TTYH2: variants seen among roughly 807,000 people sequenced by gnomAD.
TTYH2 encodes the protein tweety family member 2.
In TTYH2, 49 loss-of-function variants were observed where a neutral mutation model predicts 68.3. The ratio of observed to expected loss-of-function variants is 0.72; its 90% CI spans 0.57 to 0.91. The LOEUF (loss-of-function observed/expected upper bound fraction) is 0.91, where lower values mean the gene tolerates loss of function less well. TTYH2 is among the 40% of genes least tolerant of loss of function. The pLI is 0.00. For synonymous variants in TTYH2, 272 were observed against 300.8 expected (o/e 0.90, Z 0.99); for missense variants, 631 against 700.4 (o/e 0.90, Z 1.12).
At chr17:74,221,596 C>T (rs931450531) in intron 1 of TTYH2, among the ~76,000 whole-genome samples, 2 of 152,212 alleles carry the variant, frequency 1.3e-5, no homozygotes, top group African/African-American at 4.8e-5. Flanking sequence ...CCCTGGCTGG[C>T]GGCCGCCAAT....
intron 6 of TTYH2, chr17:74,248,659 T>C: frequency 8.7e-7 from 1 of 1,151,210 alleles, no homozygotes; most frequent in East Asian, 4.7e-5. Context: ...GGGCCCAGGA[T>C]GCTGGCCCCC....
rs572307412 is a variant in TTYH2, at chr17:74,237,412, C to A, written c.533C>A (p.Ala178Glu). ...LQTLKFIQQM[A>E]GSVVVQLSGL... ...ACCCTGAAGTTCATACAGCAGATGG[C>A]GGGCAGCGTTGTTGTTCAGCTCTCA... The change falls in exon 4 of 14, where the codon GCG (alanine) becomes GAG (glutamate). Residue 178 changes from alanine to glutamate, a missense_variant. Physicochemically the swap from Ala to Glu is moderately radical, Grantham distance 107. Transcript: ENST00000269346. 2 of 1,614,100 alleles carry A rather than the reference C, an allele frequency of 1.2e-6. No homozygotes were observed. Among genetic ancestry groups the A allele is most frequent in the South Asian group, 2.2e-5 (2 of 91,084 alleles).
chr17:74,257,272 C>T (rs1210171642), intron 13 of TTYH2, among the ~76,000 whole-genome samples: 1 of 152,190 alleles, frequency 6.6e-6, no homozygotes, highest in Non-Finnish European at 1.5e-5. Flanking sequence ...GATTTAAGAC[C>T]TGCCCAGAAA....
intron 2 of TTYH2, among the ~76,000 whole-genome samples, chr17:74,225,838 G>A (rs1235452892): frequency 6.6e-6 from 1 of 150,666 alleles, no homozygotes; most frequent in African/African-American, 2.5e-5. Flanking sequence ...ATGGAGAACA[G>A]GGCAGGGGAC....
intron 3 of TTYH2, among the ~76,000 whole-genome samples, chr17:74,233,937 G>A (rs752000772): frequency 6.6e-6 from 1 of 152,142 alleles, no homozygotes; most frequent in Non-Finnish European, 1.5e-5. Context: ...TTGCTGACCC[G>A]AGGTTGAAAA....
At chr17:74,248,146 C>A in intron 6 of TTYH2, 1 of 517,996 alleles carries the variant, frequency 1.9e-6, no homozygotes, top group Non-Finnish European at 2.5e-6. Context: ...GTCCCCTGCC[C>A]GGGGAGCATG....
intron 6 of TTYH2, among the ~76,000 whole-genome samples, chr17:74,246,563 C>T (rs2050559891): frequency 6.6e-6 from 1 of 152,142 alleles, no homozygotes; most frequent in Non-Finnish European, 1.5e-5. Flanking sequence ...CCTGCAGGCT[C>T]AGCCATCACC....
At chr17:74,240,355 C>G (rs1286189999) in intron 4 of TTYH2, among the ~76,000 whole-genome samples, 1 of 152,014 alleles carries the variant, frequency 6.6e-6, no homozygotes, top group Non-Finnish European at 1.5e-5. Context: ...AGGAAAATTG[C>G]TTGAACCCAG....
chr17:74,218,122 C>T (rs942989172), intron 1 of TTYH2, among the ~76,000 whole-genome samples: 2 of 148,708 alleles, frequency 1.3e-5, no homozygotes, highest in African/African-American at 5.0e-5. Context: ...AATAATTGCC[C>T]ATTAGGAGCA....
chr17:74,220,769 G>A (rs1241061237), intron 1 of TTYH2, among the ~76,000 whole-genome samples: 2 of 151,744 alleles, frequency 1.3e-5, no homozygotes, highest in Non-Finnish European at 2.9e-5. Context: ...GATCTACTGG[G>A]CCCTGGCTTC....
chr17:74,256,495 G>C (rs1489678680), intron 13 of TTYH2, among the ~76,000 whole-genome samples: 1 of 152,104 alleles, frequency 6.6e-6, no homozygotes, highest in Non-Finnish European at 1.5e-5. Flanking sequence ...ATTCACTCCT[G>C]TGCCACCACC....
chr17:74,224,351 C>T (rs557873889), intron 2 of TTYH2, among the ~76,000 whole-genome samples: 1 of 152,258 alleles, frequency 6.6e-6, no homozygotes, highest in East Asian at 1.9e-4. Flanking sequence ...CGCTCCATCG[C>T]ACTCTAGCCT....
chr17:74,226,788 G>A (rs1264117022), intron 2 of TTYH2, among the ~76,000 whole-genome samples: 1 of 151,974 alleles, frequency 6.6e-6, no homozygotes, highest in East Asian at 1.9e-4. Flanking sequence ...TTATATTTGG[G>A]AAAGAGTAGT....
At position 74,215,563 on chromosome 17, in the gene TTYH2, C is replaced by T; in HGVS notation, c.129+1847C>T. 2 of 1,464,356 alleles carry T rather than the reference C, an allele frequency of 1.4e-6. No homozygotes were observed. Among genetic ancestry groups the T allele is most frequent in the African/African-American group, 1.4e-5 (1 of 71,588 alleles). 90.7% of individuals were successfully genotyped at this position (1,464,356 alleles called of 1,614,324 possible). On this transcript the variant is annotated intron_variant, in intron 1 of 13. Coordinates refer to ENST00000269346, the MANE Select transcript of TTYH2 (RefSeq NM_032646.6). The surrounding 1 kb of genome is among the most constrained non-coding windows in gnomAD (Gnocchi z 4.3). Reference sequence around the variant, plus strand: ...GGGTGTCCCTTCCCATCGGCCACTGCTCCTGGGCAGCTGACACCAGCCCTG... The same window carrying T: ...GGGTGTCCCTTCCCATCGGCCACTGTTCCTGGGCAGCTGACACCAGCCCTG...
chr17:74,260,011 C>T (rs1567824006), intron 13 of TTYH2, 118 bp from the exon 14 acceptor site: 5 of 842,866 alleles, frequency 5.9e-6, no homozygotes, highest in South Asian at 2.7e-5. Context: ...GGTGGAGGCA[C>T]GGCCGGGTTT....
At chr17:74,259,812 C>T (rs2050729708) in intron 13 of TTYH2, among the ~76,000 whole-genome samples, 1 of 152,158 alleles carries the variant, frequency 6.6e-6, no homozygotes. Context: ...GTCTCTGGGC[C>T]TCTGCCCTCA....
rs939008893 is a variant in TTYH2 at position 74,232,300 on chromosome 17, G to A, written c.414+1301G>A. On this transcript the variant is annotated intron_variant, in intron 3 of 13. Coordinates refer to ENST00000269346, the MANE Select transcript of TTYH2 (RefSeq NM_032646.6). The surrounding 1 kb of genome is among the most constrained non-coding windows in gnomAD (Gnocchi z 5.1). The stretch of plus-strand genomic sequence containing the variant: ...AAAGAGACAGCTGTGCTGCTCCTCC[G>A]TGCCCAAGTCAATTGTGGGAGGAGG... 8.5e-5 allele frequency among the ~76,000 whole-genome samples: 13 copies of A among 152,180 alleles called. No individual in the cohort carries two copies. Among genetic ancestry groups the A allele is most frequent in the African/African-American group, 2.2e-4 (9 of 41,450 alleles).
rs1231237459 is a variant in TTYH2 at position 74,253,254 on chromosome 17, T to A, written c.1433T>A (p.Val478Asp). ...GCCCAGACCATCTCCAACGCCCCTGTCTCCGAGTACATGTACGGCCTGCAC... is the reference window on the plus strand; with the variant it reads ...GCCCAGACCATCTCCAACGCCCCTGACTCCGAGTACATGTACGGCCTGCAC... ...PPAQTISNAP[V>D]SEYMNQAMLF... Residue 478 changes from valine (V) to aspartate (D), a missense_variant, in exon 12 of 14, where the codon GTC (valine) becomes GAC (aspartate). By Grantham distance (152) the Val-to-Asp change is radical. Coordinates refer to ENST00000269346, the MANE Select transcript of TTYH2 (RefSeq NM_032646.6). 3 of 1,601,024 alleles carry A rather than the reference T, an allele frequency of 1.9e-6. No individual in the cohort carries two copies. Among genetic ancestry groups the A allele is most frequent in the Non-Finnish European group, 1.7e-6 (2 of 1,174,858 alleles).
chr17:74,256,334 A>C (rs539185835), intron 13 of TTYH2, among the ~76,000 whole-genome samples: 1 of 152,044 alleles, frequency 6.6e-6, no homozygotes, highest in Admixed American at 6.5e-5. Context: ...GCTGGATGCT[A>C]TTGACATCTA....
Sources: gnomAD v4.1 joint callset for allele counts (sites outside exome capture counted in the v4.1 genomes callset) on GRCh38, gnomAD v4.1.1 for gene constraint, Gnocchi (gnomAD v3.1) non-coding constraint, MANE v1.5 for transcripts, NCBI Gene and HGNC (gene_info 2026-07-23, HGNC 2026-07-21) for gene names.